Variants in FBXO17 observed in about 807,000 individuals in gnomAD.
The protein encoded by FBXO17 is F-box only protein 17.
In FBXO17, 43 loss-of-function variants were observed where a neutral mutation model predicts 34.1. That is an observed-to-expected ratio of 1.26 (90% confidence interval 0.99 to 1.62). FBXO17 has a LOEUF of 1.62. Ranked by LOEUF, FBXO17 falls within the 40% of genes most tolerant of loss-of-function variation. The pLI is 0.00. For missense variants in FBXO17, 424 were observed against 386.7 expected (o/e 1.10, Z -0.81); for synonymous variants, 169 against 166.0 (o/e 1.02, Z -0.14).
At position 38,948,685 on chromosome 19, in the gene FBXO17, G is replaced by A. The variant is rs765662132; in HGVS notation, c.350-7C>T. Reference sequence around the variant, plus strand: ...TCCCAGCCTCTGAAGCCCTCTGTGGGAAAACAAGAGTTGAACATATGGTTC... The same window carrying A: ...TCCCAGCCTCTGAAGCCCTCTGTGGAAAAACAAGAGTTGAACATATGGTTC... On this transcript the variant is annotated splice_polypyrimidine_tract_variant and splice_region_variant and intron_variant, in intron 2 of 5. Coordinates refer to ENST00000292852, the MANE Select transcript of FBXO17 (RefSeq NM_024907.7). 1.2e-6 allele frequency: 2 copies of A among 1,612,688 alleles called. No homozygotes were observed. Among genetic ancestry groups the A allele is most frequent in the Non-Finnish European group, 1.7e-6 (2 of 1,179,288 alleles).
intron 2 of FBXO17, 89 bp from the exon 3 acceptor site, chr19:38,948,767 G>C: frequency 9.3e-7 from 1 of 1,076,314 alleles, no homozygotes; most frequent in Non-Finnish European, 1.4e-6. Context: ...CTGTCCACCA[G>C]CCTCTCCCTC....
In FBXO17 at chr19:38,942,422, G is replaced by A. The variant is rs1974902063; in HGVS notation, c.*186C>T. 5.6e-6 allele frequency: 3 copies of A among 533,744 alleles called. No homozygotes were observed. The Admixed American group carries it at 1.4e-4, about 24-fold the overall frequency. 33.1% of individuals were successfully genotyped at this position (533,744 alleles called of 1,614,324 possible). A position where few individuals can be genotyped will look rare whatever the true frequency, so the allele number is the denominator to read the frequency against. On this transcript the variant is annotated 3_prime_UTR_variant, in exon 6 of 6. Coordinates refer to ENST00000292852, the MANE Select transcript of FBXO17 (RefSeq NM_024907.7). Reference sequence around the variant, plus strand: ...GACTACAGGCGGCACCACCATGCCTGGCTAATTTTTTAAAAATTATTTGTG... The same window carrying A: ...GACTACAGGCGGCACCACCATGCCTAGCTAATTTTTTAAAAATTATTTGTG...
intron 1 of FBXO17, among the ~76,000 whole-genome samples, chr19:38,972,219 A>G (rs1413359251): frequency 1.3e-5 from 2 of 152,124 alleles, no homozygotes; most frequent in African/African-American, 4.8e-5. Context: ...GCTGGGACCA[A>G]GGGAAAAGAA....
At chr19:38,950,636 T>C (rs567351842) in intron 1 of FBXO17, among the ~76,000 whole-genome samples, 1 of 152,352 alleles carries the variant, frequency 6.6e-6, no homozygotes, top group South Asian at 2.1e-4. Flanking sequence ...AGAACTAACA[T>C]AACTAACCCC....
At chr19:38,953,676 CAAAAACAAAAAA>C (rs1434297795) in intron 1 of FBXO17, among the ~76,000 whole-genome samples, 1 of 151,832 alleles carries the variant, frequency 6.6e-6, no homozygotes, top group East Asian at 1.9e-4. Context: ...AAAACAAAAA[CAAAAACAAAAAA>C]AGAGAGAGGG....
chr19:38,974,871 G>A (rs1375643209), intron 1 of FBXO17, among the ~76,000 whole-genome samples: 1 of 152,130 alleles, frequency 6.6e-6, no homozygotes, highest in Non-Finnish European at 1.5e-5. Flanking sequence ...TCCATGCAAA[G>A]CTCTGTCCTG....
Position 38,949,739 on chromosome 19 carries a change from C to G in FBXO17, c.349+232G>C. 17 of 589,148 alleles carry G rather than the reference C, an allele frequency of 2.9e-5. No homozygotes were observed. The South Asian group carries it at 3.5e-4, about 12-fold the overall frequency. The allele number at this position is 589,148 out of a possible 1,614,324, so 36.5% of individuals were successfully genotyped here. On this transcript the variant is annotated intron_variant, in intron 2 of 5. Transcript: ENST00000292852. Reference sequence around the variant, plus strand: ...CAAACTACTTGCTTTCTCCCCCGGCCCAGCCAGGGTCTTCCTGCCTTGCCC... The same window carrying G: ...CAAACTACTTGCTTTCTCCCCCGGCGCAGCCAGGGTCTTCCTGCCTTGCCC...
intron 1 of FBXO17, among the ~76,000 whole-genome samples, chr19:38,960,334 GTCC>G (rs1165961725): frequency 4.0e-5 from 6 of 151,084 alleles, no homozygotes; most frequent in Non-Finnish European, 8.8e-5. Flanking sequence ...CAGCTATGCG[GTCC>G]TCACTTAGGG....
Position 38,950,230 on chromosome 19 carries a change from C to G in FBXO17, c.90G>C (p.Leu30=). Residue 30 remains leucine (L), a synonymous_variant, in exon 2 of 6, where the codon CTG becomes CTC. Transcript: ENST00000292852. ...ALPPELLVQV[L]SHVPPRSLVT... The stretch of plus-strand genomic sequence containing the variant: ...CCAAGGAGCGTGGCGGCACGTGGCT[C>G]AGCACCTGCACCAGCAGCTCCGGGG... 1 of 1,539,350 alleles carries G rather than the reference C, an allele frequency of 6.5e-7. No homozygotes were observed. Among genetic ancestry groups the G allele is most frequent in the South Asian group, 1.2e-5 (1 of 83,482 alleles).
intron 5 of FBXO17, among the ~76,000 whole-genome samples, chr19:38,943,695 AT>A (rs1432204012): frequency 6.6e-6 from 1 of 151,932 alleles, no homozygotes; most frequent in East Asian, 1.9e-4. Flanking sequence ...GGTTCAATAA[AT>A]TCTCCCGCCT....
intron 1 of FBXO17, among the ~76,000 whole-genome samples, chr19:38,961,204 T>C (rs1203540889): frequency 1.3e-5 from 2 of 152,186 alleles, no homozygotes; most frequent in African/African-American, 2.4e-5. Flanking sequence ...TATAAAGTAT[T>C]ATTTTTACTT....
Position 38,949,987 on chromosome 19 carries a change from G to A in FBXO17, c.333C>T (p.Phe111=). The A allele has an allele frequency of 6.5e-7, 1 of 1,547,890 alleles. No homozygotes were observed. The highest frequency in any genetic ancestry group is 1.2e-5 in the South Asian group (1 of 83,706). The change falls in exon 2 of 6, where the codon TTC becomes TTT. Residue 111 remains phenylalanine, a synonymous_variant. Transcript: ENST00000292852. Reference sequence around the variant, plus strand: ...GTCACCCACGCTCTCCGCAGGAGTTGAAGATGAGATTGCGGCCGAAGGGCG... The same window carrying A: ...GTCACCCACGCTCTCCGCAGGAGTTAAAGATGAGATTGCGGCCGAAGGGCG... ...LRAPFGRNLI[F]NSCGEQGFRG...
intron 1 of FBXO17, among the ~76,000 whole-genome samples, chr19:38,972,548 GA>G (rs71167607): frequency 0.35 from 47,913 of 138,036 alleles, 8,041 homozygotes; most frequent in South Asian, 0.5. Flanking sequence ...CCATCTCAAA[GA>G]AAAAAAAAAA....
chr19:38,963,789 C>CTT (rs34339732), intron 1 of FBXO17, among the ~76,000 whole-genome samples: 11 of 146,136 alleles, frequency 7.5e-5, no homozygotes, highest in South Asian at 2.2e-4. Context: ...GTTTTCTTTG[C>CTT]TTTTTTTTTT....
At chr19:38,967,066 G>A (rs758178556) in intron 1 of FBXO17, among the ~76,000 whole-genome samples, 24 of 152,160 alleles carry the variant, frequency 1.6e-4, no homozygotes, top group Non-Finnish European at 3.5e-4. Context: ...ATTATCATAA[G>A]TTAAAACTTT....
intron 1 of FBXO17, among the ~76,000 whole-genome samples, chr19:38,974,287 A>G (rs970216201): frequency 6.6e-6 from 1 of 151,846 alleles, no homozygotes; most frequent in African/African-American, 2.4e-5. Flanking sequence ...CATGTTGGCC[A>G]GGCTGGTCTT....
intron 1 of FBXO17, among the ~76,000 whole-genome samples, chr19:38,956,159 A>G (rs34195234): frequency 0.64 from 96,884 of 151,332 alleles, 31,881 homozygotes; most frequent in East Asian, 0.87. Flanking sequence ...CCAGCTACTC[A>G]GGAGGCTGAG....
chr19:38,944,191 C>T (rs1312540624), intron 5 of FBXO17, among the ~76,000 whole-genome samples: 2 of 152,072 alleles, frequency 1.3e-5, no homozygotes, highest in African/African-American at 4.8e-5. Flanking sequence ...GGCTGCATAA[C>T]TTTGGCTTTT....
rs1251018794 is a variant in FBXO17, at chr19:38,975,318, G to T, written c.-18+268C>A. Among the ~76,000 whole-genome samples, 1 of 152,238 alleles carries T rather than the reference G, an allele frequency of 6.6e-6. No individual in the cohort carries two copies. Among genetic ancestry groups the T allele is most frequent in the Non-Finnish European group, 1.5e-5 (1 of 68,050 alleles). On this transcript the variant is annotated intron_variant, in intron 1 of 5. Coordinates refer to ENST00000292852, the MANE Select transcript of FBXO17 (RefSeq NM_024907.7). This position sits in a 1 kb window ranked among gnomAD's most constrained non-coding sequence, Gnocchi z 4.9. Reference sequence around the variant, plus strand: ...CGCGGACGAGCGCAGGGATGGAGAGGCCTGGGCGTTCGAACACCCACGTTC... The same window carrying T: ...CGCGGACGAGCGCAGGGATGGAGAGTCCTGGGCGTTCGAACACCCACGTTC...
Sources: allele counts gnomAD v4.1 joint callset (sites outside exome capture counted in the v4.1 genomes callset), GRCh38; gene constraint gnomAD v4.1.1; non-coding constraint Gnocchi (gnomAD v3.1); transcripts MANE v1.5; gene names NCBI Gene and HGNC (gene_info 2026-07-23, HGNC 2026-07-21).